Variants in KLF8 observed in about 807,000 individuals in gnomAD.
The protein encoded by KLF8 is Krueppel-like factor 8.
Under a neutral mutation model 18.2 loss-of-function variants are expected in KLF8, and 10 were observed. That is an observed-to-expected ratio of 0.55 (90% CI 0.34 to 0.93). The LOEUF (loss-of-function observed/expected upper bound fraction) is 0.93. Ranked by LOEUF, KLF8 falls within the 40% of genes least tolerant of loss-of-function variation. KLF8 has a pLI of 0.02. For synonymous variants in KLF8, 109 were observed against 97.3 expected (o/e 1.12, Z -0.71); for missense variants, 264 against 277.9 (o/e 0.95, Z 0.36).
intron 1 of KLF8, among the ~76,000 whole-genome samples, chrX:56,240,624 A>G (rs1359071746): frequency 2.7e-5 from 3 of 111,484 alleles, no homozygotes; most frequent in African/African-American, 9.8e-5. Flanking sequence ...TACTCTGTAC[A>G]TATATTCAAT....
chrX:56,144,980 A>G, the KLF8 span, among the ~76,000 whole-genome samples: 74 of 107,925 alleles, frequency 6.9e-4, no homozygotes, highest in African/African-American at 2.4e-3. Context: ...TTTGGTAGAG[A>G]TGGGGTTTCA....
chrX:56,165,585 G>C, the KLF8 span, among the ~76,000 whole-genome samples: 1 of 112,037 alleles, frequency 8.9e-6, no homozygotes, highest in East Asian at 2.8e-4. Context: ...CAAAAAATCT[G>C]TCTGGGCACG....
Position 56,258,417 on chromosome X carries a change from C to T in KLF8, c.82-6763C>T, listed in dbSNP as rs780548816. The stretch of plus-strand genomic sequence containing the variant: ...CCTCCCAAGTAGCTGGGACCACAGG[C>T]GCCTGCCACCACACCTCGCTAATTT... On this transcript the variant is annotated intron_variant, in intron 2 of 5. Transcript: ENST00000468660. Among the ~76,000 whole-genome samples the T allele has an allele frequency of 8.1e-5, 9 of 111,127 alleles. No homozygotes were observed. The South Asian group carries it at 1.2e-3, about 14-fold the overall frequency.
At chrX:56,113,725 T>C in the KLF8 span, among the ~76,000 whole-genome samples, 1 of 110,746 alleles carries the variant, frequency 9.0e-6, no homozygotes, top group South Asian at 3.9e-4. Flanking sequence ...TATGAATGTA[T>C]ATTCTGTTGT....
At chrX:56,067,882 G>A in the KLF8 span, among the ~76,000 whole-genome samples, 6 of 112,616 alleles carry the variant, frequency 5.3e-5, no homozygotes, top group East Asian at 1.7e-3. Context: ...AGGCCAAAGT[G>A]GCAGTATCTG....
chrX:56,100,609 A>T, the KLF8 span, among the ~76,000 whole-genome samples: 11 of 111,718 alleles, frequency 9.8e-5, no homozygotes, highest in Admixed American at 3.8e-4. Flanking sequence ...GAGAAGGGCA[A>T]AATATCAACA....
intron 2 of KLF8, among the ~76,000 whole-genome samples, chrX:56,253,468 C>T (rs911599336): frequency 3.6e-5 from 4 of 111,661 alleles, no homozygotes; most frequent in East Asian, 2.8e-4. Flanking sequence ...GAAGAGACCA[C>T]GCATTCCCCA....
the KLF8 span, among the ~76,000 whole-genome samples, chrX:56,151,401 A>T: frequency 8.9e-6 from 1 of 111,831 alleles, no homozygotes; most frequent in Admixed American, 9.6e-5. Flanking sequence ...ACAAGAGTAT[A>T]TTGGATTAAA....
At chrX:56,231,424 G>C (rs183457319), upstream of KLF8, among the ~76,000 whole-genome samples, 1 of 111,938 alleles carries the variant, frequency 8.9e-6, no homozygotes, top group Non-Finnish European at 1.9e-5. Flanking sequence ...GTTGTTATTG[G>C]GACTAAATGG....
chrX:56,097,206 T>C, the KLF8 span, among the ~76,000 whole-genome samples: 4 of 111,474 alleles, frequency 3.6e-5, no homozygotes, highest in East Asian at 1.1e-3. Context: ...AGAAAAATTA[T>C]ATGATCATAT....
chrX:56,069,414 G>A, the KLF8 span, among the ~76,000 whole-genome samples: 2 of 111,469 alleles, frequency 1.8e-5, no homozygotes, highest in Non-Finnish European at 3.8e-5. Context: ...CCCACTACTA[G>A]TAGCCAGGTG....
chrX:56,168,380 C>A, the KLF8 span, among the ~76,000 whole-genome samples: 1 of 111,988 alleles, frequency 8.9e-6, no homozygotes, highest in Admixed American at 9.5e-5. Flanking sequence ...AACTGTAAGA[C>A]ATTGATAAAA....
chrX:55,940,334 A>G, the KLF8 span, among the ~76,000 whole-genome samples: 2 of 112,026 alleles, frequency 1.8e-5, no homozygotes, highest in East Asian at 2.8e-4. Flanking sequence ...ACAACCCTTC[A>G]TGCTAAAAAC....
At chrX:56,058,620 G>T in the KLF8 span, among the ~76,000 whole-genome samples, 1 of 107,122 alleles carries the variant, frequency 9.3e-6, no homozygotes, top group Non-Finnish European at 1.9e-5. Flanking sequence ...TTCTGTTCCT[G>T]TGTTAGTTTG....
chrX:56,251,754 C>A (rs1007074722), intron 2 of KLF8, among the ~76,000 whole-genome samples: 1 of 110,758 alleles, frequency 9.0e-6, no homozygotes, highest in African/African-American at 3.3e-5. Context: ...AGCCACCGTA[C>A]CTGGCCTTAT....
the KLF8 span, among the ~76,000 whole-genome samples, chrX:56,103,564 A>G: frequency 8.9e-6 from 1 of 111,742 alleles, no homozygotes; most frequent in South Asian, 3.7e-4. Flanking sequence ...TTGATTTTGT[A>G]TCCTGAGACT....
the KLF8 span, among the ~76,000 whole-genome samples, chrX:55,989,094 G>A: frequency 4.2e-4 from 47 of 111,966 alleles, no homozygotes; most frequent in South Asian, 0.018. Context: ...AGCTTAAGGA[G>A]ATTTGGGGCT....
chrX:56,202,412 T>C, the KLF8 span, among the ~76,000 whole-genome samples: 2 of 111,431 alleles, frequency 1.8e-5, no homozygotes, highest in Non-Finnish European at 3.8e-5. Context: ...CAAACATTTA[T>C]CCTTTGAGTT....
At chrX:56,198,571 G>A in the KLF8 span, among the ~76,000 whole-genome samples, 1 of 111,615 alleles carries the variant, frequency 9.0e-6, no homozygotes, top group African/African-American at 3.3e-5. Flanking sequence ...ACAAACCAAT[G>A]CTCAACGAAA....
Sources: gnomAD v4.1 joint callset for allele counts (sites outside exome capture counted in the v4.1 genomes callset) on GRCh38, gnomAD v4.1.1 for gene constraint, MANE v1.5 for transcripts, NCBI Gene and HGNC (gene_info 2026-07-23, HGNC 2026-07-21) for gene names.